Variants in RPS6KA2 observed in about 807,000 individuals in gnomAD.
RPS6KA2 encodes ribosomal protein S6 kinase alpha-2.
Under a neutral mutation model 91.8 loss-of-function variants are expected in RPS6KA2, and 42 were observed. The ratio of observed to expected loss-of-function variants is 0.46; its 90% CI spans 0.36 to 0.59. The LOEUF (loss-of-function observed/expected upper bound fraction) is 0.59, where lower values mean the gene tolerates loss of function less well. Among genes scored for constraint, RPS6KA2 ranks in the 20% least tolerant of loss-of-function variants. The pLI is 0.00. For synonymous variants in RPS6KA2, 414 were observed against 393.6 expected (o/e 1.05, Z -0.61); for missense variants, 798 against 978.5 (o/e 0.82, Z 2.46).
rs561972780 is a variant in RPS6KA2, at chr6:166,819,057, A to G, written c.123+39143T>C. On this transcript the variant is annotated intron_variant, in intron 2 of 21. Coordinates refer to the RPS6KA2 transcript ENST00000503859. ...ACCCTTTCAGTGGACAGAGCTGGGA[A>G]TTTCTGGGGTTTAGCACATGGACAC... is the stretch of plus-strand genomic sequence containing the variant. Among the ~76,000 whole-genome samples, 22 of 152,008 alleles carry G rather than the reference A, an allele frequency of 1.4e-4. 1 individual carries two copies. The South Asian group carries it at 4.6e-3, about 32-fold the overall frequency.
intron 1 of RPS6KA2, among the ~76,000 whole-genome samples, chr6:166,588,540 A>C (rs1361660651): frequency 1.3e-5 from 2 of 152,192 alleles, no homozygotes; most frequent in African/African-American, 2.4e-5. Flanking sequence ...TCGCTGAGAC[A>C]CCAGAATCTG....
At chr6:166,781,568 C>T (rs1165257492) in intron 2 of RPS6KA2, among the ~76,000 whole-genome samples, 1 of 152,224 alleles carries the variant, frequency 6.6e-6, no homozygotes, top group East Asian at 1.9e-4. Flanking sequence ...ATGCATGCAC[C>T]TAAGTTGGGC....
At chr6:166,647,785 T>C (rs1421864904) in intron 2 of RPS6KA2, among the ~76,000 whole-genome samples, 5 of 145,056 alleles carry the variant, frequency 3.4e-5, no homozygotes, top group African/African-American at 7.7e-5. Flanking sequence ...TACACACACA[T>C]GCACATGCTT....
intron 2 of RPS6KA2, among the ~76,000 whole-genome samples, chr6:166,809,611 T>G (rs845670): frequency 0.84 from 128,076 of 152,222 alleles, 54,103 homozygotes; most frequent in East Asian, 0.98. Context: ...TCATGTCAGA[T>G]AAATGCAAAT....
At chr6:166,764,228 C>T (rs564966397) in intron 2 of RPS6KA2, among the ~76,000 whole-genome samples, 75 of 152,192 alleles carry the variant, frequency 4.9e-4, no homozygotes, top group African/African-American at 1.7e-3. Flanking sequence ...TGGGATCGCC[C>T]GGCACAGTGT....
chr6:166,614,141 T>C (rs1786309447), intron 1 of RPS6KA2, among the ~76,000 whole-genome samples: 1 of 152,226 alleles, frequency 6.6e-6, no homozygotes, highest in Admixed American at 6.5e-5. Context: ...GACTGCCCTC[T>C]CAAACACTGT....
intron 2 of RPS6KA2, among the ~76,000 whole-genome samples, chr6:166,722,719 G>A (rs980505207): frequency 2.6e-5 from 4 of 152,224 alleles, no homozygotes; most frequent in African/African-American, 4.8e-5. Flanking sequence ...TCTCTGAAAC[G>A]CTTGATACAC....
chr6:166,537,728 A>C (rs137858038), intron 2 of RPS6KA2, among the ~76,000 whole-genome samples: 315 of 152,360 alleles, frequency 2.1e-3, no homozygotes, highest in African/African-American at 7.5e-3. Context: ...AGATTTGGTA[A>C]ATGTCTACAT....
intron 7 of RPS6KA2, among the ~76,000 whole-genome samples, chr6:166,499,535 C>G (rs1704804148): frequency 6.6e-6 from 1 of 152,198 alleles, no homozygotes; most frequent in African/African-American, 2.4e-5. Context: ...GTGCTATTCT[C>G]GTGACAGTGA....
At chr6:166,679,238 G>C (rs143957526) in intron 2 of RPS6KA2, among the ~76,000 whole-genome samples, 2,067 of 152,074 alleles carry the variant, frequency 0.014, 45 homozygotes, top group African/African-American at 0.048. Context: ...TGGATCACCT[G>C]AGGTCAGGAG....
chr6:166,625,320 A>ACCCCCCCC (rs1474972568), intron 1 of RPS6KA2, among the ~76,000 whole-genome samples: 3 of 22,616 alleles, frequency 1.3e-4, no homozygotes, highest in African/African-American at 4.2e-4. Context: ...TCCTATTCCC[A>ACCCCCCCC]CCACCCCCCC....
intron 10 of RPS6KA2, among the ~76,000 whole-genome samples, chr6:166,476,785 T>C (rs557942501): frequency 4.6e-5 from 7 of 152,208 alleles, no homozygotes; most frequent in African/African-American, 9.6e-5. Context: ...AGCCCCTCAA[T>C]TGGGCCCTGA....
chr6:166,616,867 C>T (rs1255686963), intron 1 of RPS6KA2, among the ~76,000 whole-genome samples: 3 of 152,256 alleles, frequency 2.0e-5, no homozygotes, highest in African/African-American at 7.2e-5. Flanking sequence ...CCCAGAGCCA[C>T]CAAGGCCCCT....
At chr6:166,691,209 C>T (rs1208391618) in intron 2 of RPS6KA2, among the ~76,000 whole-genome samples, 1 of 152,174 alleles carries the variant, frequency 6.6e-6, no homozygotes, top group Non-Finnish European at 1.5e-5. Context: ...TTCTAGCCTC[C>T]ACTAAGAGTG....
At chr6:166,804,844 T>C (rs936173242) in intron 2 of RPS6KA2, among the ~76,000 whole-genome samples, 1 of 152,202 alleles carries the variant, frequency 6.6e-6, no homozygotes, top group Non-Finnish European at 1.5e-5. Flanking sequence ...ACAAAATCTT[T>C]TAAAAGCATT....
At chr6:166,754,912 G>C (rs768681300) in intron 2 of RPS6KA2, among the ~76,000 whole-genome samples, 1 of 152,142 alleles carries the variant, frequency 6.6e-6, no homozygotes, top group Non-Finnish European at 1.5e-5. Context: ...CTCGTCACAG[G>C]GTGAACTTGG....
rs796757598 is a variant in RPS6KA2 at position 166,797,309 on chromosome 6, G to GC, written c.123+60890_123+60891insG. Among the ~76,000 whole-genome samples, 3 of 147,220 alleles carry GC rather than the reference G, an allele frequency of 2.0e-5. No individual in the cohort carries two copies. In the East Asian group the frequency reaches 6.0e-4, roughly 30 times the overall value. ...AGGAGATGAAATTATTTCCAGAAATGTTTTTTTTTTTTAGAATCAGTGGCA... is the reference window on the plus strand; with the variant it reads ...AGGAGATGAAATTATTTCCAGAAATGCTTTTTTTTTTTTAGAATCAGTGGCA... On this transcript the variant is annotated intron_variant, in intron 2 of 21. Coordinates refer to the RPS6KA2 transcript ENST00000503859.
At chr6:166,826,087 G>T (rs900540388) in intron 2 of RPS6KA2, among the ~76,000 whole-genome samples, 1 of 152,178 alleles carries the variant, frequency 6.6e-6, no homozygotes, top group African/African-American at 2.4e-5. Flanking sequence ...TCCTAGGTTG[G>T]TGGATATTTT....
intron 1 of RPS6KA2, among the ~76,000 whole-genome samples, chr6:166,615,596 G>C (rs530941710): frequency 6.6e-6 from 1 of 152,150 alleles, no homozygotes; most frequent in Non-Finnish European, 1.5e-5. Flanking sequence ...AACCTGCGGC[G>C]CACAGGCCAA....
Sources: allele counts gnomAD v4.1 joint callset (sites outside exome capture counted in the v4.1 genomes callset), GRCh38; gene constraint gnomAD v4.1.1; transcripts MANE v1.5; gene names NCBI Gene and HGNC (gene_info 2026-07-23, HGNC 2026-07-21).